The following ADGRA2 variants were observed in gnomAD, a reference collection of about 807,000 sequenced individuals.
ADGRA2 encodes adhesion G protein-coupled receptor A2, also known as G-protein coupled receptor 124.
A neutral mutation model predicts 98.7 loss-of-function variants in ADGRA2; 61 were observed. The ratio of observed to expected loss-of-function variants is 0.62; its 90% CI spans 0.50 to 0.76. The LOEUF (loss-of-function observed/expected upper bound fraction) is 0.76. ADGRA2 is among the 30% of genes least tolerant of loss of function. The pLI, the probability that ADGRA2 is intolerant of heterozygous loss-of-function variation, is 0.00. For missense variants in ADGRA2, 1,712 were observed against 1,860.0 expected (o/e 0.92, Z 1.46); for synonymous variants, 858 against 831.5 (o/e 1.03, Z -0.55).
intron 2 of ADGRA2, among the ~76,000 whole-genome samples, chr8:37,820,406 G>A (rs1184246258): frequency 6.6e-6 from 1 of 152,210 alleles, no homozygotes; most frequent in Non-Finnish European, 1.5e-5. Flanking sequence ...CATGGGGCCT[G>A]GGAATTTTTT....
rs1805818051 is a variant in ADGRA2, at chr8:37,842,057, C to G, written c.3719C>G (p.Ala1240Gly). The G allele has an allele frequency of 6.6e-7, 1 of 1,517,616 alleles. No individual in the cohort carries two copies. Among genetic ancestry groups the G allele is most frequent in the South Asian group, 1.2e-5 (1 of 82,096 alleles). 94.0% of individuals were successfully genotyped at this position (1,517,616 alleles called of 1,614,324 possible). A position where few individuals can be genotyped will look rare whatever the true frequency, so the allele number is the denominator to read the frequency against. ...GGCAGCAGCCGCAACAGCCCGGGCGCCGGCCTGCAGCTGGAAGGCGAGCCC... is the reference window on the plus strand; with the variant it reads ...GGCAGCAGCCGCAACAGCCCGGGCGGCGGCCTGCAGCTGGAAGGCGAGCCC... ...YLGSSRNSPG[A>G]GLQLEGEPML... The change falls in exon 19 of 19, where the codon GCC becomes GGC. Residue 1240 changes from alanine (A) to glycine (G), a missense_variant. Physicochemically the swap from Ala to Gly is moderately conservative, Grantham distance 60. Coordinates refer to ENST00000412232, the MANE Select transcript of ADGRA2 (RefSeq NM_032777.10).
intron 5 of ADGRA2, 126 bp from the exon 6 acceptor site, chr8:37,829,725 T>C: frequency 9.6e-7 from 1 of 1,044,094 alleles, no homozygotes; most frequent in Non-Finnish European, 1.5e-6. Flanking sequence ...GGGGCAGAGA[T>C]GGTGCACATA....
chr8:37,801,235 T>C (rs1804493228), intron 1 of ADGRA2, among the ~76,000 whole-genome samples: 1 of 152,252 alleles, frequency 6.6e-6, no homozygotes, highest in Admixed American at 6.5e-5. Context: ...TGGATTTTCA[T>C]TCGCAGTTTT....
intron 9 of ADGRA2, 116 bp downstream of exon 9, chr8:37,833,324 T>A (rs1805512824): frequency 1.2e-6 from 1 of 834,502 alleles, no homozygotes; most frequent in Non-Finnish European, 1.8e-6. Context: ...TGCCTCCTGT[T>A]CCTGCCTGTG....
chr8:37,835,699 C>T lies in ADGRA2; in HGVS notation c.1979C>T (p.Thr660Ile). ...CGCCTCTTCCACAGCCACAGCAACA[C>T]CTCCCGCCCTGGAGCTGCTGGGCCT... ...NGRLFHSHSNTSRPGAAGPGK... is the reference protein window; with the variant it reads ...NGRLFHSHSNISRPGAAGPGK... The change falls in exon 13 of 19, where the codon ACC becomes ATC. Residue 660 changes from threonine (T) to isoleucine (I), a missense_variant. Transcript: ENST00000412232. The T allele has an allele frequency of 6.2e-7, 1 of 1,613,940 alleles. No individual in the cohort carries two copies. Among genetic ancestry groups the T allele is most frequent in the Non-Finnish European group, 8.5e-7 (1 of 1,179,960 alleles).
intron 2 of ADGRA2, among the ~76,000 whole-genome samples, chr8:37,824,650 A>G (rs951277655): frequency 2.0e-5 from 3 of 151,754 alleles, no homozygotes; most frequent in Non-Finnish European, 4.4e-5. Flanking sequence ...TCCCGCCACC[A>G]CACACGGCTA....
rs1006784622 is a variant in ADGRA2, at chr8:37,829,940, A to G, written c.644A>G (p.His215Arg). The change falls in exon 6 of 19, where the codon CAC becomes CGC. Residue 215 changes from histidine (H) to arginine (R), a missense_variant. By Grantham distance (29) the His-to-Arg change is conservative. Transcript: ENST00000412232. ...AQNRSLQLSE[H>R]TLCAYPSALH... ...AATCGCTCCCTGCAGCTGTCGGAAC[A>G]CACGCTCTGTGCTTACCCCAGTGCC... 1.2e-6 allele frequency: 2 copies of G among 1,611,492 alleles called. No individual in the cohort carries two copies. The highest frequency in any genetic ancestry group is 2.2e-5 in the South Asian group (2 of 91,038).
intron 16 of ADGRA2, 124 bp downstream of exon 16, chr8:37,839,746 T>A: frequency 8.2e-7 from 1 of 1,226,262 alleles, no homozygotes; most frequent in Non-Finnish European, 1.1e-6. Flanking sequence ...CATGGCTTCC[T>A]CTGTGGCAGC....
rs765209078 is a variant in ADGRA2 at position 37,844,443 on chromosome 8, G to C, written c.*2088G>C. The stretch of plus-strand genomic sequence containing the variant: ...TTCCATCCTTGGTTATAACAGGAAT[G>C]TTATCAAGCTGTCAGAACAGGATGA... On this transcript the variant is annotated 3_prime_UTR_variant, in exon 19 of 19. Coordinates refer to ENST00000412232, the MANE Select transcript of ADGRA2 (RefSeq NM_032777.10). 1 of 1,589,360 alleles carries C rather than the reference G, an allele frequency of 6.3e-7. No homozygotes were observed. Among genetic ancestry groups the C allele is most frequent in the Non-Finnish European group, 8.6e-7 (1 of 1,166,136 alleles).
At chr8:37,829,723 GA>G in intron 5 of ADGRA2, 127 bp from the exon 6 acceptor site, 1 of 1,043,978 alleles carries the variant, frequency 9.6e-7, no homozygotes, top group Non-Finnish European at 1.5e-6. Flanking sequence ...CCGGGGCAGA[GA>G]TGGTGCACAT....
intron 2 of ADGRA2, among the ~76,000 whole-genome samples, chr8:37,816,373 A>G (rs1355638613): frequency 6.6e-6 from 1 of 152,158 alleles, no homozygotes; most frequent in Non-Finnish European, 1.5e-5. Flanking sequence ...CGGGTGGATC[A>G]CTTGAGGTCA....
intron 5 of ADGRA2, 145 bp downstream of exon 5, chr8:37,829,704 C>T (rs1331498158): frequency 4.1e-6 from 4 of 972,222 alleles, no homozygotes; most frequent in South Asian, 1.4e-5. Context: ...ATCACCTTCC[C>T]GCGATGGCCC....
In ADGRA2 at chr8:37,828,995, C is replaced by G. The variant is rs79164163; in HGVS notation, c.410+36C>G. ...CGCCCTCCCCTGACCCCACCCCTCC[C>G]CTCCCGAGGGAGAAAGTCACCCCTC... is the stretch of plus-strand genomic sequence containing the variant. On this transcript the variant is annotated intron_variant, in intron 3 of 18. Transcript: ENST00000412232. 9.8e-3 allele frequency: 14,202 copies of G among 1,456,326 alleles called. 1,067 individuals carry two copies. In the African/African-American group the frequency reaches 0.17, roughly 17 times the overall value. 90.2% of individuals were successfully genotyped at this position (1,456,326 alleles called of 1,614,324 possible).
chr8:37,812,890 A>C (rs983608173), intron 1 of ADGRA2, among the ~76,000 whole-genome samples: 1 of 151,852 alleles, frequency 6.6e-6, no homozygotes, highest in Non-Finnish European at 1.5e-5. Context: ...GAGTTTCACT[A>C]TGTTGCCCAG....
At chr8:37,805,647 A>G (rs1013752799) in intron 1 of ADGRA2, among the ~76,000 whole-genome samples, 1 of 151,798 alleles carries the variant, frequency 6.6e-6, no homozygotes, top group African/African-American at 2.4e-5. Flanking sequence ...AGGTGGGTGG[A>G]TCACGAGGTC....
intron 8 of ADGRA2, among the ~76,000 whole-genome samples, 196 bp downstream of exon 8, chr8:37,831,783 G>A (rs1805461263): frequency 6.6e-6 from 1 of 152,232 alleles, no homozygotes; most frequent in Non-Finnish European, 1.5e-5. Context: ...TACCATCTGA[G>A]GCCGGGTGCA....
chr8:37,832,711 G>A (rs553667347), intron 8 of ADGRA2, among the ~76,000 whole-genome samples: 10 of 152,192 alleles, frequency 6.6e-5, no homozygotes, highest in Non-Finnish European at 1.5e-4. Context: ...TCTCCCCACT[G>A]TACAGCTGAG....
At position 37,811,130 on chromosome 8, in the gene ADGRA2, A is replaced by C. The variant is rs1311918076; in HGVS notation, c.267-3766A>C. ...CTCTGTCTCAAAAACAAAAAAAAAA[A>C]AAAAAAAAAAGAACTTTTATACTGT... On this transcript the variant is annotated intron_variant, in intron 1 of 18. Coordinates refer to ENST00000412232, the MANE Select transcript of ADGRA2 (RefSeq NM_032777.10). Among the ~76,000 whole-genome samples, 644 of 148,132 alleles carry C rather than the reference A, an allele frequency of 4.3e-3. 16 individuals carry two copies. Among genetic ancestry groups the C allele is most frequent in the African/African-American group, 0.015 (608 of 40,514 alleles).
chr8:37,798,826 CG>C (rs1297586665), intron 1 of ADGRA2, among the ~76,000 whole-genome samples: 1 of 152,198 alleles, frequency 6.6e-6, no homozygotes, highest in Non-Finnish European at 1.5e-5. Context: ...TTCCCCGGCC[CG>C]GGTGTGTGTG....
Sources: allele counts gnomAD v4.1 joint callset (sites outside exome capture counted in the v4.1 genomes callset), GRCh38; gene constraint gnomAD v4.1.1; transcripts MANE v1.5; gene names NCBI Gene and HGNC (gene_info 2026-07-23, HGNC 2026-07-21).